Variants in TRPV6 observed in about 807,000 individuals in gnomAD.
TRPV6 encodes the protein Alu-binding protein with zinc finger domain.
In TRPV6, 39 loss-of-function variants were observed where a neutral mutation model predicts 79.0. The observed-to-expected ratio is 0.49, with a 90% CI of 0.38 to 0.64. The LOEUF (loss-of-function observed/expected upper bound fraction) is 0.64. TRPV6 is among the 30% of genes least tolerant of loss of function. The pLI is 0.00. For synonymous variants in TRPV6, 373 were observed against 391.9 expected, an observed-to-expected ratio of 0.95 and a Z score of 0.57; for missense variants, 813 against 1,011.1, an observed-to-expected ratio of 0.80 and a Z score of 2.66.
chr7:142,874,201 CA>C (rs1347027650), intron 11 of TRPV6, 59 bp from the exon 12 acceptor site: 2 of 1,553,712 alleles, frequency 1.3e-6, no homozygotes, highest in East Asian at 4.6e-5. Flanking sequence ...TTGCCCCATC[CA>C]GCCTCTAACA....
Position 142,876,128 on chromosome 7 carries a change from G to A in TRPV6, c.883-224C>T, listed in dbSNP as rs1412575670. 6.0e-6 allele frequency: 4 copies of A among 666,902 alleles called. No homozygotes were observed. In the African/African-American group the frequency reaches 7.3e-5, roughly 12 times the overall value. The allele number at this position is 666,902 out of a possible 1,614,324, so 41.3% of individuals were successfully genotyped here. A position where few individuals can be genotyped will look rare whatever the true frequency, so the allele number is the denominator to read the frequency against. ...CAGAGTTTGGAAAGGAGAGACGAGA[G>A]GCTGGAGGGCCCTGCTCTGGGGGCT... On this transcript the variant is annotated intron_variant, in intron 6 of 14. Transcript: ENST00000359396.
intron 1 of TRPV6, chr7:142,884,714 C>G (rs1333295689): frequency 1.3e-5 from 2 of 152,160 alleles, no homozygotes; most frequent in Admixed American, 1.3e-4. Flanking sequence ...CACAGGTCCT[C>G]GGAACATCTG....
At position 142,873,367 on chromosome 7, in the gene TRPV6, T is replaced by G; in HGVS notation, c.1908+81A>C. 1.3e-6 allele frequency: 2 copies of G among 1,563,480 alleles called. No homozygotes were observed. Among genetic ancestry groups the G allele is most frequent in the South Asian group, 2.3e-5 (2 of 85,982 alleles). ...TGTCCAAACATAAGTGGGGTGGAGATATCCTGTCTCTCAGCTTGGCAGGTT... is the reference window on the plus strand; with the variant it reads ...TGTCCAAACATAAGTGGGGTGGAGAGATCCTGTCTCTCAGCTTGGCAGGTT... On this transcript the variant is annotated intron_variant, in intron 13 of 14. Coordinates refer to ENST00000359396, the MANE Select transcript of TRPV6 (RefSeq NM_018646.6). This position sits in a 1 kb window ranked among gnomAD's most constrained non-coding sequence, Gnocchi z 4.8.
At chr7:142,877,548 G>C in intron 3 of TRPV6, 103 bp downstream of exon 3, 1 of 1,527,050 alleles carries the variant, frequency 6.5e-7, no homozygotes. Flanking sequence ...AGAGTAGGAG[G>C]CTCAGATCCC....
rs765643134 is a variant in TRPV6 at position 142,875,516 on chromosome 7, G to A, written c.1194C>T (p.Asn398=). ...GGGTGTTGTCCCGGGGGCTCGTGCG[G>A]TTATTGGTCCTGGGCTTGAGGGGGC... is the stretch of plus-strand genomic sequence containing the variant. The change falls in exon 8 of 15, where the codon AAC becomes AAT. Residue 398 remains asparagine, a synonymous_variant. Transcript: ENST00000359396. 1.4e-5 allele frequency: 22 copies of A among 1,608,736 alleles called. 1 individual carries two copies. In the East Asian group the frequency reaches 4.7e-4, roughly 34 times the overall value.
chr7:142,878,999 C>A (rs1246802223), intron 1 of TRPV6: 1 of 152,196 alleles, frequency 6.6e-6, no homozygotes, highest in Non-Finnish European at 1.5e-5. Context: ...AGTTTCCAAA[C>A]AGCTCACATT....
At chr7:142,872,593 C>G in intron 13 of TRPV6, 115 bp from the exon 14 acceptor site, 1 of 1,065,288 alleles carries the variant, frequency 9.4e-7, no homozygotes, top group Non-Finnish European at 1.4e-6. Flanking sequence ...GAGCTTGAGA[C>G]CAACAATTCT....
chr7:142,874,420 G>T, intron 11 of TRPV6, 71 bp downstream of exon 11: 1 of 1,584,870 alleles, frequency 6.3e-7, no homozygotes, highest in Non-Finnish European at 8.7e-7. Context: ...CTACTGTTCT[G>T]CCCTTTATGG....
intron 1 of TRPV6, chr7:142,879,081 T>G (rs1487668450): frequency 1.3e-5 from 2 of 152,230 alleles, no homozygotes; most frequent in Non-Finnish European, 2.9e-5. Flanking sequence ...CTACTTTGTT[T>G]CGGCTATTGG....
At chr7:142,876,713 G>A (rs780999251) in intron 5 of TRPV6, 26 bp downstream of exon 5, 7 of 1,613,892 alleles carry the variant, frequency 4.3e-6, no homozygotes, top group Non-Finnish European at 5.9e-6. Flanking sequence ...CAGCATCCCA[G>A]CTCCCCTCCC....
chr7:142,877,903 G>A (rs1563356624), intron 2 of TRPV6, 26 bp downstream of exon 2: 1 of 1,613,752 alleles, frequency 6.2e-7, no homozygotes. Context: ...TCACCTAGGA[G>A]ATCATGCTGC....
In TRPV6 at chr7:142,872,439, G is replaced by A. The variant is rs762853572; in HGVS notation, c.1948C>T (p.Arg650Cys). The A allele has an allele frequency of 2.5e-6, 4 of 1,614,144 alleles. No individual in the cohort carries two copies. The highest frequency in any genetic ancestry group is 2.2e-5 in the East Asian group (1 of 44,880). The change falls in exon 14 of 15, where the codon CGC (arginine) becomes TGC (cysteine). Residue 650 changes from arginine to cysteine, a missense_variant. By Grantham distance (180) the Arg-to-Cys change is radical. This residue lies in a region of TRPV6 where 164 missense variants were observed against 186.1 expected (regional missense o/e 0.88). Coordinates refer to ENST00000359396, the MANE Select transcript of TRPV6 (RefSeq NM_018646.6). ...ATCCCGGAGCGAGGCCACAGGCAGC[G>A]AGGCAGCTTCCGCTCCAGCATCACT...
At chr7:142,875,433 C>T in intron 8 of TRPV6, 35 bp downstream of exon 8, 1 of 1,532,872 alleles carries the variant, frequency 6.5e-7, no homozygotes, top group Non-Finnish European at 8.7e-7. Flanking sequence ...AGAGCCAAGT[C>T]CTGCCCTGCT....
intron 2 of TRPV6, 73 bp from the exon 3 acceptor site, chr7:142,877,846 A>C: frequency 6.2e-7 from 1 of 1,612,942 alleles, no homozygotes; most frequent in South Asian, 1.1e-5. Context: ...TTCAGAGGCC[A>C]ACAGCACGAG....
intron 3 of TRPV6, 131 bp from the exon 4 acceptor site, chr7:142,877,410 G>A: frequency 1.3e-6 from 2 of 1,494,454 alleles, no homozygotes; most frequent in Non-Finnish European, 8.9e-7. Flanking sequence ...CGGGTGTTCA[G>A]GATTCCCAGG....
chr7:142,885,660 G>T lies in TRPV6; in HGVS notation c.-24C>A. ...GTCTCCTGTCTCCTGCCTTCCTGAC[G>T]AGTTCCTTGGGAGTCTCCCAGCAGC... On this transcript the variant is annotated 5_prime_UTR_variant, in exon 1 of 15. Coordinates refer to ENST00000359396, the MANE Select transcript of TRPV6 (RefSeq NM_018646.6). The T allele has an allele frequency of 8.4e-7, 1 of 1,186,112 alleles. No homozygotes were observed. The highest frequency in any genetic ancestry group is 1.2e-6 in the Non-Finnish European group (1 of 868,378). The allele number at this position is 1,186,112 out of a possible 1,614,324, so 73.5% of individuals were successfully genotyped here.
chr7:142,875,411 C>G, intron 8 of TRPV6, 57 bp downstream of exon 8: 5 of 1,503,558 alleles, frequency 3.3e-6, no homozygotes. Flanking sequence ...GGACACCAGT[C>G]TCTGAGGACA....
intron 1 of TRPV6, chr7:142,883,697 T>G (rs1249965030): frequency 6.6e-6 from 1 of 152,242 alleles, no homozygotes; most frequent in African/African-American, 2.4e-5. Context: ...TTCTCTTTGG[T>G]TGACGGCACA....
chr7:142,875,952 TCA>T (rs1234358814), intron 6 of TRPV6, 48 bp from the exon 7 acceptor site: 1 of 1,532,630 alleles, frequency 6.5e-7, no homozygotes. Context: ...AAGGGGACGG[TCA>T]CAGAGTGTGG....
Sources: allele counts gnomAD v4.1 joint callset, GRCh38; gene constraint gnomAD v4.1.1; regional missense constraint gnomAD v4.1.1; non-coding constraint Gnocchi (gnomAD v3.1); transcripts MANE v1.5; gene names NCBI Gene and HGNC (gene_info 2026-07-23, HGNC 2026-07-21).